Variants in MGLL observed in about 807,000 individuals in gnomAD.
The protein encoded by MGLL is lysophospholipase homolog.
Under a neutral mutation model 29.1 loss-of-function variants are expected in MGLL, and 7 were observed. The observed-to-expected ratio is 0.24, with a 90% CI of 0.14 to 0.45. The LOEUF is 0.45. Ranked by LOEUF, MGLL falls within the 20% of genes least tolerant of loss-of-function variation. The probability of loss-of-function intolerance (pLI) is 0.99; values close to 1 mark genes in which losing one functional copy is unlikely to be tolerated. For missense variants in MGLL, 356 were observed against 413.6 expected (o/e 0.86, Z 1.21); for synonymous variants, 148 against 168.3 (o/e 0.88, Z 0.93).
chr3:127,820,948 C>G (rs1217463088), intron 2 of MGLL, among the ~76,000 whole-genome samples: 2 of 152,124 alleles, frequency 1.3e-5, no homozygotes, highest in African/African-American at 4.8e-5. Flanking sequence ...AGACATAATC[C>G]AACCACACAA....
intron 3 of MGLL, among the ~76,000 whole-genome samples, chr3:127,771,239 G>A (rs994029946): frequency 8.5e-5 from 13 of 152,172 alleles, no homozygotes; most frequent in African/African-American, 2.9e-4. Flanking sequence ...CAGGAGCAGA[G>A]GCAGCTGCTC....
intron 2 of MGLL, among the ~76,000 whole-genome samples, chr3:127,797,913 G>A (rs778806724): frequency 5.7e-4 from 87 of 152,116 alleles, no homozygotes; most frequent in Non-Finnish European, 9.4e-4. Flanking sequence ...CTGGCCCACC[G>A]TACCTGGCCC....
chr3:127,789,222 G>C (rs1360952030), intron 2 of MGLL, among the ~76,000 whole-genome samples: 1 of 152,196 alleles, frequency 6.6e-6, no homozygotes, highest in Non-Finnish European at 1.5e-5. Flanking sequence ...ATGAGTGTGA[G>C]CAAAGCCCAG....
intron 5 of MGLL, chr3:127,715,432 T>C: frequency 3.0e-6 from 1 of 338,856 alleles, no homozygotes; most frequent in Non-Finnish European, 5.8e-6. Context: ...CTTCATGGCT[T>C]AAAACAAATT....
chr3:127,701,593 T>C (rs1220830531), intron 6 of MGLL, among the ~76,000 whole-genome samples: 1 of 151,738 alleles, frequency 6.6e-6, no homozygotes, highest in East Asian at 1.9e-4. Context: ...CCCTTAACAC[T>C]CCCCACTCCC....
Position 127,721,137 on chromosome 3 carries a change from G to C in MGLL, c.426C>G (p.Ala142=). The C allele has an allele frequency of 6.2e-7, 1 of 1,614,206 alleles. No homozygotes were observed. Among genetic ancestry groups the C allele is most frequent in the Non-Finnish European group, 8.5e-7 (1 of 1,180,050 alleles). ...SMGGAIAILT[A]AERPGHFAGM... ...CGGCGAAGTGGCCCGGCCTCTCTGC[G>C]GCCGTGAGGATGGCGATGGCGCCTC... is the stretch of plus-strand genomic sequence containing the variant. Residue 142 remains alanine (A), a synonymous_variant, in exon 5 of 8, where the codon GCC becomes GCG. Coordinates refer to ENST00000265052, the MANE Select transcript of MGLL (RefSeq NM_007283.7).
At chr3:127,708,582 C>A (rs1485765780) in intron 6 of MGLL, among the ~76,000 whole-genome samples, 1 of 152,142 alleles carries the variant, frequency 6.6e-6, no homozygotes, top group Admixed American at 6.5e-5. Flanking sequence ...CTGTTTTTTT[C>A]TTCCTCTTTG....
intron 3 of MGLL, among the ~76,000 whole-genome samples, chr3:127,763,090 ATAC>A (rs2076793803): frequency 6.6e-6 from 1 of 152,164 alleles, no homozygotes. Flanking sequence ...CTTTAGGGAA[ATAC>A]TCAGTATTTG....
At chr3:127,754,953 C>T (rs1043031904) in intron 3 of MGLL, among the ~76,000 whole-genome samples, 2 of 152,128 alleles carry the variant, frequency 1.3e-5, no homozygotes, top group African/African-American at 4.8e-5. Flanking sequence ...ATTCACCTAG[C>T]GCCCCAGAGA....
intron 2 of MGLL, among the ~76,000 whole-genome samples, chr3:127,815,829 T>G (rs2077745024): frequency 6.6e-6 from 1 of 152,232 alleles, no homozygotes; most frequent in South Asian, 2.1e-4. Context: ...CATCATATTA[T>G]AATTATCCGT....
At chr3:127,714,575 C>T (rs2075779898) in intron 5 of MGLL, among the ~76,000 whole-genome samples, 1 of 152,186 alleles carries the variant, frequency 6.6e-6, no homozygotes, top group African/African-American at 2.4e-5. Context: ...AGGAACACGC[C>T]CTCCAGGAAG....
rs559278699 is a variant in MGLL, at chr3:127,786,874, A to G, written c.156-4979T>C. On this transcript the variant is annotated intron_variant, in intron 2 of 7. Transcript: ENST00000265052. The stretch of plus-strand genomic sequence containing the variant: ...AGGAAGCCATTTGCTCCGATGGCGC[A>G]GGTAAGCCACTTGCCGGGTGAGCCA... Among the ~76,000 whole-genome samples, 13 of 152,298 alleles carry G rather than the reference A, an allele frequency of 8.5e-5. No individual in the cohort carries two copies. In the South Asian group the frequency reaches 2.7e-3, roughly 32 times the overall value.
At chr3:127,768,992 C>T (rs1224194858) in intron 3 of MGLL, among the ~76,000 whole-genome samples, 1 of 152,200 alleles carries the variant, frequency 6.6e-6, no homozygotes, top group Non-Finnish European at 1.5e-5. Flanking sequence ...TCACAGCCCT[C>T]ATATCTAGAG....
Position 127,710,602 on chromosome 3 carries a change from T to A in MGLL, c.574A>T (p.Ser192Cys). Residue 192 changes from serine (S) to cysteine (C), a missense_variant, in exon 6 of 8, where the codon AGC (serine) becomes TGC (cysteine). Coordinates refer to ENST00000265052, the MANE Select transcript of MGLL (RefSeq NM_007283.7). ...TCTGTCTTATTCCGAGAGAGCACGC[T>A]GGAGTCGATGGGCCCGAGGGACAAG... Reference protein sequence around the residue: ...PNLSLGPIDSSVLSRNKTEVD... With the variant: ...PNLSLGPIDSCVLSRNKTEVD... The A allele has an allele frequency of 6.4e-7, 1 of 1,569,492 alleles. No homozygotes were observed.
intron 3 of MGLL, among the ~76,000 whole-genome samples, chr3:127,781,113 G>T (rs958353892): frequency 6.6e-6 from 1 of 152,106 alleles, no homozygotes; most frequent in East Asian, 1.9e-4. Flanking sequence ...GTTTATGTAT[G>T]CATGTATATG....
At chr3:127,778,537 G>T (rs1387158311) in intron 3 of MGLL, among the ~76,000 whole-genome samples, 1 of 152,186 alleles carries the variant, frequency 6.6e-6, no homozygotes, top group Non-Finnish European at 1.5e-5. Context: ...TAGTGTCTGA[G>T]CCCTTCTGCT....
intron 3 of MGLL, among the ~76,000 whole-genome samples, chr3:127,769,909 G>A (rs1030340194): frequency 2.6e-5 from 4 of 152,148 alleles, no homozygotes; most frequent in African/African-American, 7.2e-5. Context: ...CTCAGTGACC[G>A]GCGCGCGCCA....
intron 3 of MGLL, chr3:127,735,751 C>T (rs866369743): frequency 6.3e-7 from 1 of 1,598,356 alleles, no homozygotes; most frequent in Non-Finnish European, 8.5e-7. Flanking sequence ...CCGCCTTCTC[C>T]CATTCCCTCC....
chr3:127,810,437 C>T (rs1177367114), intron 2 of MGLL, among the ~76,000 whole-genome samples: 3 of 152,196 alleles, frequency 2.0e-5, no homozygotes, highest in African/African-American at 7.2e-5. Flanking sequence ...ACACTGTATC[C>T]TCTCTCACTT....
Sources: gnomAD v4.1 joint callset for allele counts (sites outside exome capture counted in the v4.1 genomes callset) on GRCh38, gnomAD v4.1.1 for gene constraint, MANE v1.5 for transcripts, NCBI Gene and HGNC (gene_info 2026-07-23, HGNC 2026-07-21) for gene names.